The following PCDHA7 variants were observed in gnomAD, a reference collection of about 807,000 sequenced individuals.
The protein encoded by PCDHA7 is protocadherin alpha 7.
PCDHA7 carries 37 observed loss-of-function variants against 57.2 expected under a neutral mutation model. The observed-to-expected ratio is 0.65, with a 90% CI of 0.50 to 0.85. PCDHA7 has a LOEUF of 0.85. Among genes scored for constraint, PCDHA7 ranks in the 40% least tolerant of loss-of-function variants. The pLI is 0.00. For missense variants in PCDHA7, 1,188 were observed against 1,241.8 expected (o/e 0.96, Z 0.65); for synonymous variants, 553 against 558.8 (o/e 0.99, Z 0.15).
chr5:140,965,879 G>C (rs920261632), intron 1 of PCDHA7, among the ~76,000 whole-genome samples: 1 of 152,216 alleles, frequency 6.6e-6, no homozygotes, highest in Non-Finnish European at 1.5e-5. Flanking sequence ...ACTTGGCCGA[G>C]AGCAGAATTG....
chr5:140,914,944 C>CT (rs35695909), intron 1 of PCDHA7, among the ~76,000 whole-genome samples: 3,966 of 128,238 alleles, frequency 0.031, 97 homozygotes, highest in Middle Eastern at 0.041. Context: ...GAAAAGTTGT[C>CT]TTTTTTTTTT....
At chr5:140,903,429 G>T (rs782504374) in intron 1 of PCDHA7, among the ~76,000 whole-genome samples, 2 of 152,180 alleles carry the variant, frequency 1.3e-5, no homozygotes, top group South Asian at 4.1e-4. Context: ...AGCACAATAT[G>T]TATCAGTGGA....
At chr5:140,975,003 A>G (rs1170426656) in intron 1 of PCDHA7, among the ~76,000 whole-genome samples, 3 of 152,152 alleles carry the variant, frequency 2.0e-5, no homozygotes, top group Non-Finnish European at 4.4e-5. Flanking sequence ...CAAGGCTGAA[A>G]TGAACACAGC....
chr5:140,834,550 T>C lies in PCDHA7; in HGVS notation c.167T>C (p.Leu56Pro), dbSNP rs1773085767. 6.2e-7 allele frequency: 1 copy of C among 1,613,956 alleles called. No homozygotes were observed. The highest frequency in any genetic ancestry group is 1.1e-5 in the South Asian group (1 of 91,082). Reference protein sequence around the residue: ...GRIAQDLGLELAELVPRLFRA... With the variant: ...GRIAQDLGLEPAELVPRLFRA... ...ATCGCGCAGGACCTGGGGCTGGAGCTGGCGGAGCTGGTGCCGCGCCTGTTC... is the reference window on the plus strand; with the variant it reads ...ATCGCGCAGGACCTGGGGCTGGAGCCGGCGGAGCTGGTGCCGCGCCTGTTC... Residue 56 changes from leucine (L) to proline (P), a missense_variant, in exon 1 of 4, where the codon CTG becomes CCG. Transcript: ENST00000525929.
intron 1 of PCDHA7, chr5:140,876,915 C>G: frequency 6.2e-7 from 1 of 1,613,966 alleles, no homozygotes; most frequent in East Asian, 2.2e-5. Flanking sequence ...CGGCATGGGA[C>G]GCGGACGCGC....
At chr5:140,880,415 G>T (rs1481227492) in intron 1 of PCDHA7, among the ~76,000 whole-genome samples, 1 of 152,202 alleles carries the variant, frequency 6.6e-6, no homozygotes, top group Non-Finnish European at 1.5e-5. Context: ...GACCTTAAAA[G>T]CGGGAACAGT....
chr5:140,968,761 T>C (rs782432205), intron 1 of PCDHA7: 1 of 1,614,140 alleles, frequency 6.2e-7, no homozygotes, highest in South Asian at 1.1e-5. Flanking sequence ...TCCGAGATAA[T>C]GGAGAGCCAT....
intron 1 of PCDHA7, among the ~76,000 whole-genome samples, chr5:140,912,408 T>A (rs1376927432): frequency 6.6e-6 from 1 of 152,054 alleles, no homozygotes; most frequent in Non-Finnish European, 1.5e-5. Flanking sequence ...TCAGCTTGGT[T>A]ATTATTGGTG....
In PCDHA7 at chr5:140,857,593, G is replaced by C. The variant is rs782606088; in HGVS notation, c.2355+20855G>C. ...TGTCGGTGCACGCGGAGAGCGGCAAGGTGTACGCGCTGCAGCCGCTGGACC... is the reference window on the plus strand; with the variant it reads ...TGTCGGTGCACGCGGAGAGCGGCAACGTGTACGCGCTGCAGCCGCTGGACC... On this transcript the variant is annotated intron_variant, in intron 1 of 3. Coordinates refer to ENST00000525929, the MANE Select transcript of PCDHA7 (RefSeq NM_018910.3). 2.5e-6 allele frequency: 4 copies of C among 1,596,536 alleles called. No individual in the cohort carries two copies. The East Asian group carries it at 6.7e-5, about 27-fold the overall frequency.
At chr5:140,877,921 T>C (rs2153357057) in intron 1 of PCDHA7, 1 of 1,422,868 alleles carries the variant, frequency 7.0e-7, no homozygotes, top group South Asian at 1.6e-5. Context: ...CTCATTTTTC[T>C]TTATGATTCT....
chr5:140,993,363 C>T (rs925225156), intron 3 of PCDHA7, among the ~76,000 whole-genome samples: 1 of 151,918 alleles, frequency 6.6e-6, no homozygotes, highest in Non-Finnish European at 1.5e-5. Context: ...CTCACAAAAA[C>T]TACCTCCCAG....
At chr5:140,842,485 C>G (rs2150337249) in intron 1 of PCDHA7, 1 of 1,613,908 alleles carries the variant, frequency 6.2e-7, no homozygotes, top group Non-Finnish European at 8.5e-7. Flanking sequence ...TGACCTGCTC[C>G]CTGATGCCCC....
intron 1 of PCDHA7, among the ~76,000 whole-genome samples, chr5:140,940,840 A>T (rs1554213622): frequency 2.0e-5 from 3 of 152,222 alleles, no homozygotes; most frequent in Non-Finnish European, 1.5e-5. Context: ...ACCTTTCTTC[A>T]CGATAGATTT....
chr5:140,967,854 C>T (rs782783470), intron 1 of PCDHA7: 1 of 1,614,154 alleles, frequency 6.2e-7, no homozygotes, highest in South Asian at 1.1e-5. Flanking sequence ...GACAATGCCC[C>T]AGAGGTGGTG....
rs1402531454 is a variant in PCDHA7 at position 141,011,521 on chromosome 5, TA to T, written c.*1586del. 1 of 153,804 alleles carries T rather than the reference TA, an allele frequency of 6.5e-6. No individual in the cohort carries two copies. The allele number at this position is 153,804 out of a possible 1,614,324, so 9.5% of individuals were successfully genotyped here. A position where few individuals can be genotyped will look rare whatever the true frequency, so the allele number is the denominator to read the frequency against. ...GTGAAAAAGTGGAGTAGTGTTTTTT[TA>T]ACCATTGTTAATCAGCTTTTGTGTA... On this transcript the variant is annotated 3_prime_UTR_variant, in exon 4 of 4. Coordinates refer to ENST00000525929, the MANE Select transcript of PCDHA7 (RefSeq NM_018910.3).
chr5:140,983,207 T>A (rs999147697), intron 3 of PCDHA7, among the ~76,000 whole-genome samples: 1 of 152,236 alleles, frequency 6.6e-6, no homozygotes, highest in Non-Finnish European at 1.5e-5. Flanking sequence ...TAATAGGGAC[T>A]ATTTCCTAAT....
intron 1 of PCDHA7, chr5:140,850,690 G>A: frequency 6.3e-7 from 1 of 1,598,402 alleles, no homozygotes; most frequent in Non-Finnish European, 8.6e-7. Context: ...GAGGGCGAGT[G>A]CGCGCCTGGC....
At chr5:140,970,280 C>G (rs1445871505) in intron 1 of PCDHA7, among the ~76,000 whole-genome samples, 3 of 152,138 alleles carry the variant, frequency 2.0e-5, no homozygotes, top group East Asian at 1.9e-4. Flanking sequence ...TGTAAAGTAG[C>G]CTTTTCAAGT....
Position 141,011,605 on chromosome 5 carries a change from T to C in PCDHA7, c.*1668T>C, listed in dbSNP as rs971128266. On this transcript the variant is annotated 3_prime_UTR_variant, in exon 4 of 4. Coordinates refer to ENST00000525929, the MANE Select transcript of PCDHA7 (RefSeq NM_018910.3). The stretch of plus-strand genomic sequence containing the variant: ...AAGATACTGGTGATTCAAGGAATTT[T>C]ATTTATGGTCCAGCCAAGAGCCATC... 4 of 153,780 alleles carry C rather than the reference T, an allele frequency of 2.6e-5. No homozygotes were observed. Among genetic ancestry groups the C allele is most frequent in the Non-Finnish European group, 4.4e-5 (3 of 68,032 alleles). 9.5% of individuals were successfully genotyped at this position (153,780 alleles called of 1,614,324 possible). A position where few individuals can be genotyped will look rare whatever the true frequency, so the allele number is the denominator to read the frequency against.
Sources: allele counts gnomAD v4.1 joint callset (sites outside exome capture counted in the v4.1 genomes callset), GRCh38; gene constraint gnomAD v4.1.1; transcripts MANE v1.5; gene names NCBI Gene and HGNC (gene_info 2026-07-23, HGNC 2026-07-21).